CLCC1: variants seen among roughly 807,000 people sequenced by gnomAD.
CLCC1 encodes chloride channel CLIC-like protein 1.
CLCC1 carries 39 observed loss-of-function variants against 63.3 expected under a neutral mutation model. That is an observed-to-expected ratio of 0.62 (90% CI 0.48 to 0.81). The LOEUF is 0.81. CLCC1 is among the 30% of genes least tolerant of loss of function. The pLI is 0.00. For synonymous variants in CLCC1, 217 were observed against 239.8 expected (o/e 0.90, Z 0.88); for missense variants, 549 against 669.4 (o/e 0.82, Z 1.98).
intron 8 of CLCC1, 104 bp downstream of exon 8, chr1:108,941,301 T>G: frequency 9.9e-7 from 1 of 1,007,864 alleles, no homozygotes; most frequent in South Asian, 1.5e-5. Flanking sequence ...TATTAAAGAT[T>G]CAGTCATGGA....
At position 108,963,446 on chromosome 1, in the gene CLCC1, G is replaced by A. The variant is rs1034057380; in HGVS notation, c.-258C>T. On this transcript the variant is annotated 5_prime_UTR_variant, in exon 1 of 13. Transcript: ENST00000369969. ...GTCGCACAGCTTGCCGCCGCCCAGGGTTTCAGCGTGCTTCCTGGGCCTCGT... is the reference window on the plus strand; with the variant it reads ...GTCGCACAGCTTGCCGCCGCCCAGGATTTCAGCGTGCTTCCTGGGCCTCGT... 6 of 702,250 alleles carry A rather than the reference G, an allele frequency of 8.5e-6. No homozygotes were observed. Among genetic ancestry groups the A allele is most frequent in the African/African-American group, 3.5e-5 (2 of 57,278 alleles). 43.5% of individuals were successfully genotyped at this position (702,250 alleles called of 1,614,324 possible).
At chr1:108,954,817 C>T (rs1655657586) in intron 2 of CLCC1, among the ~76,000 whole-genome samples, 2 of 140,520 alleles carry the variant, frequency 1.4e-5, no homozygotes, top group Non-Finnish European at 3.0e-5. Context: ...ACTGTCTTTG[C>T]GTGTGTGTGT....
rs560002920 is a variant in CLCC1 at position 108,941,828 on chromosome 1, A to G, written c.703-330T>C. On this transcript the variant is annotated intron_variant, in intron 7 of 12. Transcript: ENST00000369969. ...GCTACCACGCCCAGCTAATTTTTGT[A>G]TTTTTAGTAGAGACGGGGTTTCATC... Among the ~76,000 whole-genome samples the G allele has an allele frequency of 1.1e-3, 167 of 151,926 alleles. 1 individual carries two copies. The highest frequency in any genetic ancestry group is 3.7e-3 in the African/African-American group (152 of 41,450).
At position 108,947,808 on chromosome 1, in the gene CLCC1, G is replaced by C. The variant is rs571690075; in HGVS notation, c.232-90C>G. The C allele has an allele frequency of 9.8e-6, 8 of 819,068 alleles. No homozygotes were observed. The South Asian group carries it at 1.2e-4, about 13-fold the overall frequency. The allele number at this position is 819,068 out of a possible 1,614,324, so 50.7% of individuals were successfully genotyped here. A position where few individuals can be genotyped will look rare whatever the true frequency, so the allele number is the denominator to read the frequency against. On this transcript the variant is annotated intron_variant, in intron 4 of 12. Coordinates refer to ENST00000369969, the MANE Select transcript of CLCC1 (RefSeq NM_001377458.1). The stretch of plus-strand genomic sequence containing the variant: ...AGCCTAGTGCTGTCATCGGAATCAA[G>C]GTAAGGAGCTAGTTGTTTTGATCAA...
intron 2 of CLCC1, among the ~76,000 whole-genome samples, chr1:108,961,771 A>C (rs2101738255): frequency 6.6e-6 from 1 of 152,192 alleles, no homozygotes; most frequent in African/African-American, 2.4e-5. Flanking sequence ...GGGCAGGAGA[A>C]TTGCTTGAAC....
intron 1 of CLCC1, among the ~76,000 whole-genome samples, chr1:108,962,699 T>A (rs761735550): frequency 1.2e-4 from 19 of 152,050 alleles, no homozygotes; most frequent in Non-Finnish European, 2.4e-4. Flanking sequence ...GGAGACCCCT[T>A]CTCTACAAAT....
In CLCC1 at chr1:108,943,059, G is replaced by A. The variant is rs765359987; in HGVS notation, c.702+416C>T. Among the ~76,000 whole-genome samples, 19 of 152,162 alleles carry A rather than the reference G, an allele frequency of 1.2e-4. 1 individual carries two copies. Among genetic ancestry groups the A allele is most frequent in the South Asian group, 6.2e-4 (3 of 4,814 alleles). On this transcript the variant is annotated intron_variant, in intron 7 of 12. Transcript: ENST00000369969. Reference sequence around the variant, plus strand: ...TGAGTAGCTGGGACTACAGGTGCACGTCACCAGGCCCAGCTAATTTTTGTA... The same window carrying A: ...TGAGTAGCTGGGACTACAGGTGCACATCACCAGGCCCAGCTAATTTTTGTA...
intron 11 of CLCC1, 48 bp from the exon 12 acceptor site, chr1:108,934,990 C>A: frequency 6.6e-7 from 1 of 1,522,256 alleles, no homozygotes; most frequent in East Asian, 2.3e-5. Context: ...AATGTGAAGT[C>A]TTAGTAATCA....
chr1:108,962,150 GA>G (rs886882717), intron 2 of CLCC1, among the ~76,000 whole-genome samples, 158 bp downstream of exon 2: 28 of 152,196 alleles, frequency 1.8e-4, no homozygotes, highest in African/African-American at 5.8e-4. Flanking sequence ...CACAGAGCGG[GA>G]AATAGGGAGA....
rs570009314 is a variant in CLCC1, at chr1:108,945,394, A to G, written c.340-1337T>C. 2.0e-5 allele frequency among the ~76,000 whole-genome samples: 3 copies of G among 149,736 alleles called. No individual in the cohort carries two copies. In the East Asian group the frequency reaches 5.8e-4, roughly 29 times the overall value. On this transcript the variant is annotated intron_variant, in intron 5 of 12. Transcript: ENST00000369969. ...AAAAATATACCACTAAATAGACCAC[A>G]AAAAAAGACACTTGTTTGCAGTACG...
intron 10 of CLCC1, 98 bp from the exon 11 acceptor site, chr1:108,937,516 TAACTTACTTGTGGCATTTATAGACATA>T: frequency 1.9e-6 from 2 of 1,048,156 alleles, no homozygotes; most frequent in Non-Finnish European, 2.7e-6. Flanking sequence ...TTATGTAATT[TAACTTACTTGTGGCATTTATAGACATA>T]AACATGTTAA....
chr1:108,939,913 G>T, intron 9 of CLCC1, 131 bp from the exon 10 acceptor site: 1 of 1,277,912 alleles, frequency 7.8e-7, no homozygotes, highest in Non-Finnish European at 1.1e-6. Flanking sequence ...TTTTTAATGT[G>T]AAAATCACTG....
chr1:108,960,834 G>C (rs1291262340), intron 2 of CLCC1, among the ~76,000 whole-genome samples: 1 of 152,056 alleles, frequency 6.6e-6, no homozygotes, highest in Non-Finnish European at 1.5e-5. Context: ...TGAATAAAAA[G>C]CCTGTCAAGC....
chr1:108,938,419 G>A (rs1055365261), intron 10 of CLCC1, among the ~76,000 whole-genome samples: 8 of 152,154 alleles, frequency 5.3e-5, no homozygotes, highest in Non-Finnish European at 5.9e-5. Flanking sequence ...AAAAATACCC[G>A]TCAACCACAT....
intron 2 of CLCC1, among the ~76,000 whole-genome samples, chr1:108,956,209 G>A (rs542709594): frequency 1.1e-4 from 16 of 151,476 alleles, no homozygotes; most frequent in Non-Finnish European, 1.6e-4. Context: ...TCAATGGCCA[G>A]CCATGTGGGT....
chr1:108,947,505 G>A, intron 5 of CLCC1, 106 bp downstream of exon 5: 1 of 655,088 alleles, frequency 1.5e-6, no homozygotes, highest in Non-Finnish European at 2.6e-6. Context: ...CAGTCAGGTG[G>A]TCTCTGTTAA....
chr1:108,952,573 C>T (rs769616521), intron 2 of CLCC1, among the ~76,000 whole-genome samples: 7 of 137,558 alleles, frequency 5.1e-5, no homozygotes, highest in African/African-American at 7.9e-5. Flanking sequence ...CCAAGCTGGG[C>T]GGATTACTTG....
chr1:108,932,069 T>G lies in CLCC1; in HGVS notation c.*478A>C, dbSNP rs1308196539. 1 of 152,314 alleles carries G rather than the reference T, an allele frequency of 6.6e-6. No homozygotes were observed. The allele number at this position is 152,314 out of a possible 1,614,324, so 9.4% of individuals were successfully genotyped here. A position where few individuals can be genotyped will look rare whatever the true frequency, so the allele number is the denominator to read the frequency against. On this transcript the variant is annotated 3_prime_UTR_variant, in exon 13 of 13. Transcript: ENST00000369969. ...GGGCGGGTCACTTGAGGTCAGGAGT[T>G]CGAGACCAGCCTGACCAACATGGTG...
Position 108,949,892 on chromosome 1 carries a change from AT to A in CLCC1, c.158del (p.Asp53ValfsTer22), listed in dbSNP as rs1654979827. On this transcript the variant is annotated frameshift_variant, in exon 4 of 13. Coordinates refer to ENST00000369969, the MANE Select transcript of CLCC1 (RefSeq NM_001377458.1). LOFTEE classifies it high-confidence loss of function. ...CAGCACATGACAAGTCAGGACTGAC[AT>A]CCTTTTCCCCTGAAATACCATATTT... ...QAKYGISGEK[D>X]VSPDLSCADE... 1 of 1,601,860 alleles carries A rather than the reference AT, an allele frequency of 6.2e-7. No individual in the cohort carries two copies. Among genetic ancestry groups the A allele is most frequent in the African/African-American group, 1.3e-5 (1 of 74,522 alleles).
Sources: gnomAD v4.1 joint callset for allele counts (sites outside exome capture counted in the v4.1 genomes callset) on GRCh38, gnomAD v4.1.1 for gene constraint, MANE v1.5 for transcripts, NCBI Gene and HGNC (gene_info 2026-07-23, HGNC 2026-07-21) for gene names.